The following ZBTB17 variants were observed in gnomAD, a reference collection of about 807,000 sequenced individuals.
The protein encoded by ZBTB17 is zinc finger and BTB domain containing 17, also known as zinc finger and BTB domain-containing protein 17.
In ZBTB17, 24 loss-of-function variants were observed where a neutral mutation model predicts 85.1. The ratio of observed to expected loss-of-function variants is 0.28; its 90% CI spans 0.20 to 0.40. ZBTB17 has a LOEUF of 0.40. Ranked by LOEUF, ZBTB17 falls within the 10% of genes least tolerant of loss-of-function variation. The pLI, the probability that ZBTB17 is intolerant of heterozygous loss-of-function variation, is 1.00. For synonymous variants in ZBTB17, 464 were observed against 460.2 expected, an observed-to-expected ratio of 1.01 and a Z score of -0.11; for missense variants, 743 against 1,105.1, an observed-to-expected ratio of 0.67 and a Z score of 4.65.
Position 15,946,258 on chromosome 1 carries a change from GT to G in ZBTB17, c.430del (p.Thr144ProfsTer4). On this transcript the variant is annotated frameshift_variant, in exon 5 of 16. Coordinates refer to ENST00000375743, the MANE Select transcript of ZBTB17 (RefSeq NM_003443.3). LOFTEE classifies it high-confidence loss of function. The stretch of plus-strand genomic sequence containing the variant: ...CTGCTCCAGCCTGCTCAGCGTGCTG[GT>G]GGCCACCTTCTCCTCTTTGGCTCTC... ...DKRAKEEKVA[T>X]STLSRLEQAG... The G allele has an allele frequency of 6.2e-7, 1 of 1,613,908 alleles. No homozygotes were observed.
In ZBTB17 at chr1:15,966,915, A is replaced by AAATT. The variant is rs1278351886; in HGVS notation, c.-3+6120_-3+6123dup. 3.3e-5 allele frequency among the ~76,000 whole-genome samples: 5 copies of AAATT among 151,680 alleles called. No homozygotes were observed. The highest frequency in any genetic ancestry group is 3.4e-3 in the Middle Eastern group (1 of 294). ...AGAGCGAGACCCTGTCTCAAAAATT[A>AAATT]AATTAATTAATTAATTAATTAAAAA... is the stretch of plus-strand genomic sequence containing the variant. On this transcript the variant is annotated intron_variant, in intron 2 of 15. Transcript: ENST00000375743. This position sits in a 1 kb window ranked among gnomAD's most constrained non-coding sequence, Gnocchi z 4.1.
chr1:15,941,900 G>T lies in ZBTB17; in HGVS notation c.*69C>A, dbSNP rs576334772. The stretch of plus-strand genomic sequence containing the variant: ...AATAATCCAATTTATTCTCTCTAGG[G>T]AACAGGCCACCCTTCCCGGTTCCAG... On this transcript the variant is annotated 3_prime_UTR_variant, in exon 16 of 16. Transcript: ENST00000375743. 5.9e-6 allele frequency: 9 copies of T among 1,532,682 alleles called. No homozygotes were observed. The highest frequency in any genetic ancestry group is 7.9e-6 in the Non-Finnish European group (9 of 1,141,522). 94.9% of individuals were successfully genotyped at this position (1,532,682 alleles called of 1,614,324 possible). A position where few individuals can be genotyped will look rare whatever the true frequency, so the allele number is the denominator to read the frequency against.
Position 15,948,470 on chromosome 1 carries a change from T to C in ZBTB17, c.26A>G (p.His9Arg), listed in dbSNP as rs773334653. The change falls in exon 3 of 16, where the codon CAT becomes CGT. Residue 9 changes from histidine (H) to arginine (R), a missense_variant. By Grantham distance (29) the His-to-Arg change is conservative (BLOSUM62 0). Transcript: ENST00000375743. The part of the protein sequence containing the change: MDFPQHSQ[H>R]VLEQLNQQRQ... Reference sequence around the variant, plus strand: ...CTGCTGGTTCAGCTGTTCCAAGACATGCTGGCTGTGCTGGGGAAAGTCCAT... The same window carrying C: ...CTGCTGGTTCAGCTGTTCCAAGACACGCTGGCTGTGCTGGGGAAAGTCCAT... 2.2e-5 allele frequency: 36 copies of C among 1,613,876 alleles called. No individual in the cohort carries two copies. The highest frequency in any genetic ancestry group is 3.0e-5 in the Non-Finnish European group (35 of 1,179,922).
chr1:15,961,140 G>A (rs147065333), intron 2 of ZBTB17, among the ~76,000 whole-genome samples: 48 of 152,322 alleles, frequency 3.2e-4, no homozygotes, highest in African/African-American at 1.2e-3. Flanking sequence ...TTTAAGAAAT[G>A]TTGAATAAAT....
At chr1:15,954,965 G>A (rs1240576631) in intron 2 of ZBTB17, among the ~76,000 whole-genome samples, 1 of 152,196 alleles carries the variant, frequency 6.6e-6, no homozygotes, top group Non-Finnish European at 1.5e-5. Flanking sequence ...GGCCAGCCTG[G>A]CCAACATGGC....
intron 2 of ZBTB17, among the ~76,000 whole-genome samples, chr1:15,967,551 G>T (rs1031362538): frequency 1.3e-5 from 2 of 151,854 alleles, no homozygotes; most frequent in African/African-American, 4.8e-5. Flanking sequence ...GGAGAGGGGG[G>T]TAACTTACTT....
At position 15,944,405 on chromosome 1, in the gene ZBTB17, G is replaced by A; in HGVS notation, c.1266C>T (p.Tyr422=). Residue 422 remains tyrosine (Y), a synonymous_variant, in exon 9 of 16, where the codon TAC becomes TAT. Transcript: ENST00000375743. ...TGGGGTCGGAGAAGGAGCGGCCGCA[G>A]TAGTCGCACTGGTAGGGCTTCTCGC... ...HSGEKPYQCD[Y]CGRSFSDPTS... The A allele has an allele frequency of 1.3e-6, 2 of 1,564,606 alleles. No homozygotes were observed. The highest frequency in any genetic ancestry group is 1.7e-6 in the Non-Finnish European group (2 of 1,155,046).
intron 5 of ZBTB17, 73 bp from the exon 6 acceptor site, chr1:15,945,913 G>T: frequency 6.4e-7 from 1 of 1,564,386 alleles, no homozygotes; most frequent in Non-Finnish European, 8.6e-7. Context: ...CTGGACCAGC[G>T]CGCTGGTGGT....
chr1:15,975,558 C>G (rs746665174), intron 1 of ZBTB17, among the ~76,000 whole-genome samples: 2 of 152,218 alleles, frequency 1.3e-5, no homozygotes, highest in Non-Finnish European at 2.9e-5. Flanking sequence ...CCTCCTAGGC[C>G]CGGGCAGCCC....
At chr1:15,971,407 T>TAC (rs1298806647) in intron 2 of ZBTB17, among the ~76,000 whole-genome samples, 2 of 143,482 alleles carry the variant, frequency 1.4e-5, no homozygotes, top group African/African-American at 2.7e-5. Flanking sequence ...ACTATATATA[T>TAC]ACACACACAC....
In ZBTB17 at chr1:15,943,476, G is replaced by A. The variant is rs768386751; in HGVS notation, c.1620C>T (p.Thr540=). ...CGTGGGCGATGAGGGAGCTGGCCTG[G>A]GTGAAGGCCTTACCGCACATCACAC... ...CQCVMCGKAF[T]QASSLIAHVR... Residue 540 remains threonine (T), a synonymous_variant, in exon 12 of 16, where the codon ACC becomes ACT. Transcript: ENST00000375743. The A allele has an allele frequency of 1.2e-6, 2 of 1,611,650 alleles. No individual in the cohort carries two copies. The highest frequency in any genetic ancestry group is 1.1e-5 in the South Asian group (1 of 90,872).
At chr1:15,956,508 T>A (rs2072049564) in intron 2 of ZBTB17, among the ~76,000 whole-genome samples, 1 of 152,228 alleles carries the variant, frequency 6.6e-6, no homozygotes. Flanking sequence ...AAAGCCACTA[T>A]GAAAAAGTGA....
At chr1:15,962,718 T>C (rs2072303365) in intron 2 of ZBTB17, among the ~76,000 whole-genome samples, 1 of 152,208 alleles carries the variant, frequency 6.6e-6, no homozygotes, top group Non-Finnish European at 1.5e-5. Flanking sequence ...ACAAATTCTC[T>C]GTCATCACAG....
At chr1:15,968,915 C>A (rs1458969148) in intron 2 of ZBTB17, among the ~76,000 whole-genome samples, 1 of 152,240 alleles carries the variant, frequency 6.6e-6, no homozygotes, top group Non-Finnish European at 1.5e-5. Flanking sequence ...TAAATGTCCA[C>A]TATACCAGGG....
At chr1:15,943,038 C>T in intron 13 of ZBTB17, 26 bp downstream of exon 13, 1 of 1,613,226 alleles carries the variant, frequency 6.2e-7, no homozygotes, top group Admixed American at 1.7e-5. Context: ...TGGGAAGGAA[C>T]AGGCATGGTA....
In ZBTB17 at chr1:15,973,965, G is replaced by A. The variant is rs2072764816; in HGVS notation, c.-89-840C>T. ...AGTACTTTGGGAGGCTGAGGCGGGA[G>A]GATCATTTGAGGCCAAGAGTTCGAG... On this transcript the variant is annotated intron_variant, in intron 1 of 15. Coordinates refer to ENST00000375743, the MANE Select transcript of ZBTB17 (RefSeq NM_003443.3). This position sits in a 1 kb window ranked among gnomAD's most constrained non-coding sequence, Gnocchi z 4.1. 6.6e-6 allele frequency among the ~76,000 whole-genome samples: 1 copy of A among 152,072 alleles called. No individual in the cohort carries two copies. Among genetic ancestry groups the A allele is most frequent in the African/African-American group, 2.4e-5 (1 of 41,394 alleles).
Position 15,942,757 on chromosome 1 carries a change from C to T in ZBTB17, c.1829-19G>A. The T allele has an allele frequency of 6.2e-7, 1 of 1,612,006 alleles. No individual in the cohort carries two copies. Among genetic ancestry groups the T allele is most frequent in the Non-Finnish European group, 8.5e-7 (1 of 1,179,480 alleles). Reference sequence around the variant, plus strand: ...TTCTCTCCTGGGGGAGCAAGGTTCTCTCTTGCCTTTGTGGGAAGGGGCCGC... The same window carrying T: ...TTCTCTCCTGGGGGAGCAAGGTTCTTTCTTGCCTTTGTGGGAAGGGGCCGC... On this transcript the variant is annotated intron_variant, in intron 13 of 15. Coordinates refer to ENST00000375743, the MANE Select transcript of ZBTB17 (RefSeq NM_003443.3).
Position 15,946,176 on chromosome 1 carries a change from A to C in ZBTB17, c.513T>G (p.Gly171=). 1 of 1,609,430 alleles carries C rather than the reference A, an allele frequency of 6.2e-7. No individual in the cohort carries two copies. Among genetic ancestry groups the C allele is most frequent in the Non-Finnish European group, 8.5e-7 (1 of 1,179,946 alleles). The change falls in exon 5 of 16, where the codon GGT becomes GGG. Residue 171 remains glycine, a synonymous_variant. Coordinates refer to ENST00000375743, the MANE Select transcript of ZBTB17 (RefSeq NM_003443.3). ...PSRDLKEERG[G]QAQSAASGAE... is the part of the protein sequence containing the mutation. ...CACCGCTGGCCGCACTCTGGGCCTG[A>C]CCGCCGCGCTCCTCCTTGAGGTCCC...
Position 15,943,416 on chromosome 1 carries a change from G to A in ZBTB17, c.1680C>T (p.Cys560=), listed in dbSNP as rs753019373. Reference sequence around the variant, plus strand: ...GGCAGGACCTCTTGCCGCAGCGCTCGCAGACGTAGGGCTTCTCCCCGGTGT... The same window carrying A: ...GGCAGGACCTCTTGCCGCAGCGCTCACAGACGTAGGGCTTCTCCCCGGTGT... ...RQHTGEKPYV[C]ERCGKRFVQS... Residue 560 remains cysteine (C), a synonymous_variant, in exon 12 of 16, where the codon TGC becomes TGT. Coordinates refer to ENST00000375743, the MANE Select transcript of ZBTB17 (RefSeq NM_003443.3). 19 of 1,603,134 alleles carry A rather than the reference G, an allele frequency of 1.2e-5. No homozygotes were observed. Among genetic ancestry groups the A allele is most frequent in the Admixed American group, 5.0e-5 (3 of 59,418 alleles).
Sources: gnomAD v4.1 joint callset for allele counts (sites outside exome capture counted in the v4.1 genomes callset) on GRCh38, gnomAD v4.1.1 for gene constraint, Gnocchi (gnomAD v3.1) non-coding constraint, MANE v1.5 for transcripts, NCBI Gene and HGNC (gene_info 2026-07-23, HGNC 2026-07-21) for gene names.